EMX1: variants seen among roughly 807,000 people sequenced by gnomAD.
EMX1 encodes the protein empty spiracles homeobox 1, also known as homeobox protein EMX1.
Under a neutral mutation model 20.1 loss-of-function variants are expected in EMX1, and 10 were observed. The ratio of observed to expected loss-of-function variants is 0.50; its 90% confidence interval spans 0.31 to 0.84. EMX1 has a LOEUF of 0.84. Among genes scored for constraint, EMX1 ranks in the 40% least tolerant of loss-of-function variants. The pLI, the probability that EMX1 is intolerant of heterozygous loss-of-function variation, is 0.05. For missense variants in EMX1, 424 were observed against 431.9 expected, an observed-to-expected ratio of 0.98 and a Z score of 0.16; for synonymous variants, 250 against 200.4, an observed-to-expected ratio of 1.25 and a Z score of -2.09.
Position 72,918,284 on chromosome 2 carries a change from G to A in EMX1, c.432G>A (p.Pro144=). 6.3e-7 allele frequency: 1 copy of A among 1,575,212 alleles called. No individual in the cohort carries two copies. The highest frequency in any genetic ancestry group is 8.5e-7 in the Non-Finnish European group (1 of 1,171,376). The part of the protein sequence containing the change: ...HQLGASPLQP[P]HSFFGAQHRD... ...TGGGCGCCTCCCCGCTGCAGCCCCC[G>A]CACTCCTTCTTCGGCGCCCAGCACC... The change falls in exon 1 of 3, where the codon CCG becomes CCA. Residue 144 remains proline, a synonymous_variant. Transcript: ENST00000258106.
In EMX1 at chr2:72,930,221, A is replaced by G. The variant is rs527731950; in HGVS notation, c.706-3566A>G. Among the ~76,000 whole-genome samples the G allele has an allele frequency of 2.6e-5, 4 of 152,348 alleles. No homozygotes were observed. The highest frequency in any genetic ancestry group is 2.1e-4 in the South Asian group (1 of 4,826). ...CTCTGGGCAGGGCACTGGGACTAAC[A>G]TAACAGTTTGGCTCTCCAGTCTCAT... On this transcript the variant is annotated intron_variant, in intron 2 of 2. Coordinates refer to ENST00000258106, the MANE Select transcript of EMX1 (RefSeq NM_004097.3). The surrounding 1 kb of genome is among the most constrained non-coding windows in gnomAD (Gnocchi z 4.4).
intron 2 of EMX1, 118 bp downstream of exon 2, chr2:72,924,611 C>A (rs1671162757): frequency 1.6e-6 from 2 of 1,222,704 alleles, no homozygotes; most frequent in Non-Finnish European, 1.1e-6. Context: ...TTCCAAAAGG[C>A]CCCCATTCCC....
At chr2:72,917,137 A>C, upstream of EMX1, 1 of 614,516 alleles carries the variant, frequency 1.6e-6, no homozygotes, top group East Asian at 2.8e-5. Context: ...TTGGACCCCA[A>C]ACATCCACCC....
upstream of EMX1, among the ~76,000 whole-genome samples, chr2:72,917,233 G>T (rs1312134399): frequency 6.6e-6 from 1 of 152,246 alleles, no homozygotes; most frequent in African/African-American, 2.4e-5. Flanking sequence ...CCGGGGAGGG[G>T]AGGGTTGGAG....
chr2:72,924,448 C>T lies in EMX1; in HGVS notation c.660C>T (p.Ala220=), dbSNP rs1354185608. 1.9e-6 allele frequency: 3 copies of T among 1,596,494 alleles called. No individual in the cohort carries two copies. The highest frequency in any genetic ancestry group is 2.3e-5 in the East Asian group (1 of 44,426). ...AGAAGAACCACTACGTGGTGGGCGC[C>T]GAGCGGAAGCAGCTGGCCGGCAGTC... ...AFEKNHYVVG[A]ERKQLAGSLS... Residue 220 remains alanine (A), a synonymous_variant, in exon 2 of 3, where the codon GCC becomes GCT. Coordinates refer to ENST00000258106, the MANE Select transcript of EMX1 (RefSeq NM_004097.3).
chr2:72,916,819 C>G (rs1457841165), upstream of EMX1: 1 of 717,240 alleles, frequency 1.4e-6, no homozygotes, highest in Middle Eastern at 2.3e-4. Flanking sequence ...TGCCGAGGCC[C>G]GCCGTCCTGG....
rs773557742 is a variant in EMX1, at chr2:72,933,762, C to A, written c.706-25C>A. 3 of 1,613,154 alleles carry A rather than the reference C, an allele frequency of 1.9e-6. No individual in the cohort carries two copies. In the South Asian group the frequency reaches 3.3e-5, roughly 18 times the overall value. ...TCTGGGGGCCTCCTGAGTTTCTCAT[C>A]TGTGCCCCTCCCTCCCTGGCCCAGG... On this transcript the variant is annotated intron_variant, in intron 2 of 2. Coordinates refer to ENST00000258106, the MANE Select transcript of EMX1 (RefSeq NM_004097.3).
intron 2 of EMX1, among the ~76,000 whole-genome samples, chr2:72,929,716 T>G (rs1671254351): frequency 6.6e-6 from 1 of 152,240 alleles, no homozygotes; most frequent in South Asian, 2.1e-4. Context: ...AATAGCAGAT[T>G]ATTCCAAAGT....
chr2:72,918,516 G>C, intron 1 of EMX1, 144 bp downstream of exon 1: 1 of 1,203,280 alleles, frequency 8.3e-7, no homozygotes, highest in Non-Finnish European at 1.1e-6. Flanking sequence ...CCCAGGCAGG[G>C]AAGAGCTGTG....
intron 2 of EMX1, among the ~76,000 whole-genome samples, chr2:72,924,766 A>C (rs1671166100): frequency 6.6e-6 from 1 of 152,188 alleles, no homozygotes; most frequent in Non-Finnish European, 1.5e-5. Flanking sequence ...CGGCTCCCAA[A>C]GCTCCTCACG....
intron 1 of EMX1, among the ~76,000 whole-genome samples, chr2:72,920,135 C>A (rs1249612254): frequency 6.6e-6 from 1 of 152,208 alleles, no homozygotes; most frequent in Non-Finnish European, 1.5e-5. Flanking sequence ...TCGAATCCAG[C>A]CCCTGACGCC....
upstream of EMX1, chr2:72,917,165 T>C (rs910641540): frequency 5.4e-5 from 33 of 610,714 alleles, 1 homozygote; most frequent in East Asian, 8.0e-4. Flanking sequence ...GGATCCAAGT[T>C]CTCTGAGAAC....
At chr2:72,931,678 G>A (rs1269208573) in intron 2 of EMX1, among the ~76,000 whole-genome samples, 4 of 152,246 alleles carry the variant, frequency 2.6e-5, no homozygotes, top group African/African-American at 4.8e-5. Flanking sequence ...CTCCACGGCC[G>A]GCCTAGGTGA....
intron 2 of EMX1, among the ~76,000 whole-genome samples, chr2:72,924,964 G>A (rs920099813): frequency 6.6e-6 from 1 of 152,262 alleles, no homozygotes; most frequent in Non-Finnish European, 1.5e-5. Context: ...GGGCAAAACT[G>A]GCGGGGCCTT....
intron 1 of EMX1, among the ~76,000 whole-genome samples, chr2:72,920,852 C>T (rs1302554067): frequency 6.6e-6 from 1 of 152,204 alleles, no homozygotes; most frequent in Non-Finnish European, 1.5e-5. Flanking sequence ...ACTGTTTCCC[C>T]GAGATCAGGA....
At chr2:72,926,149 C>T in intron 2 of EMX1, 2 of 985,190 alleles carry the variant, frequency 2.0e-6, no homozygotes, top group Non-Finnish European at 2.4e-6. Context: ...TTAATCCTAC[C>T]ACCCACAGAT....
intron 2 of EMX1, among the ~76,000 whole-genome samples, chr2:72,927,667 T>C (rs923623483): frequency 6.6e-6 from 1 of 152,196 alleles, no homozygotes; most frequent in African/African-American, 2.4e-5. Flanking sequence ...CAGGAAAAAG[T>C]TTAAAAACAG....
chr2:72,924,527 C>T (rs1671161228), intron 2 of EMX1, 34 bp downstream of exon 2: 2 of 1,523,666 alleles, frequency 1.3e-6, no homozygotes, highest in Non-Finnish European at 1.8e-6. Context: ...GCCCTGCGCC[C>T]GGAGCCCGGG....
chr2:72,925,905 AC>A (rs2105267496), intron 2 of EMX1: 1 of 985,346 alleles, frequency 1.0e-6, no homozygotes, highest in South Asian at 4.7e-5. Context: ...GGCTGTTCTA[AC>A]TGCAGGGAAA....
Sources: gnomAD v4.1 joint callset for allele counts (sites outside exome capture counted in the v4.1 genomes callset) on GRCh38, gnomAD v4.1.1 for gene constraint, Gnocchi (gnomAD v3.1) non-coding constraint, MANE v1.5 for transcripts, NCBI Gene and HGNC (gene_info 2026-07-23, HGNC 2026-07-21) for gene names.